The following SLC26A7 variants were observed in gnomAD, a reference collection of about 807,000 sequenced individuals.
SLC26A7 encodes solute carrier family 26 member 7.
Under a neutral mutation model 82.5 loss-of-function variants are expected in SLC26A7, and 59 were observed. The ratio of observed to expected loss-of-function variants is 0.72; its 90% CI spans 0.58 to 0.89. The LOEUF is 0.89. SLC26A7 is among the 40% of genes least tolerant of loss of function. SLC26A7 has a pLI of 0.00. For missense variants in SLC26A7, 820 were observed against 793.0 expected, an observed-to-expected ratio of 1.03 and a Z score of -0.41; for synonymous variants, 271 against 274.3, an observed-to-expected ratio of 0.99 and a Z score of 0.12.
chr8:91,330,445 C>A (rs1222468228), intron 5 of SLC26A7, among the ~76,000 whole-genome samples: 1 of 152,024 alleles, frequency 6.6e-6, no homozygotes, highest in African/African-American at 2.4e-5. Context: ...GATCCATTGT[C>A]TATATAATGT....
At chr8:91,284,921 G>A (rs919321211) in intron 2 of SLC26A7, among the ~76,000 whole-genome samples, 1 of 152,192 alleles carries the variant, frequency 6.6e-6, no homozygotes, top group Non-Finnish European at 1.5e-5. Context: ...AGCATCAAGT[G>A]ACCTCTTACT....
chr8:91,315,645 T>G (rs530852069), intron 4 of SLC26A7, among the ~76,000 whole-genome samples: 1 of 152,348 alleles, frequency 6.6e-6, no homozygotes, highest in East Asian at 1.9e-4. Flanking sequence ...CATATTCTTT[T>G]CTTTATTATG....
chr8:91,310,038 A>T (rs1047846751), intron 4 of SLC26A7, among the ~76,000 whole-genome samples: 8 of 151,808 alleles, frequency 5.3e-5, no homozygotes, highest in African/African-American at 1.9e-4. Context: ...GAAGCTGCTG[A>T]TCACCAGTGT....
chr8:91,225,848 T>C (rs1174624222), intron 2 of SLC26A7, among the ~76,000 whole-genome samples: 1 of 151,964 alleles, frequency 6.6e-6, no homozygotes, highest in East Asian at 1.9e-4. Flanking sequence ...TGGTTTCTGT[T>C]CCTCCATGTC....
chr8:91,213,961 C>A (rs975287849), intron 1 of SLC26A7, among the ~76,000 whole-genome samples: 9 of 151,992 alleles, frequency 5.9e-5, no homozygotes, highest in African/African-American at 2.2e-4. Context: ...TGAACTTGAT[C>A]TTGTTTGGAA....
In SLC26A7 at chr8:91,368,922, T is replaced by G. The variant is rs562980776; in HGVS notation, c.1627-863T>G. 3.9e-5 allele frequency among the ~76,000 whole-genome samples: 6 copies of G among 152,298 alleles called. 1 individual carries two copies. The highest frequency in any genetic ancestry group is 1.4e-4 in the African/African-American group (6 of 41,576). On this transcript the variant is annotated intron_variant, in intron 14 of 18. Coordinates refer to ENST00000276609, the MANE Select transcript of SLC26A7 (RefSeq NM_052832.4). Reference sequence around the variant, plus strand: ...ATGGAAATTGTATAGCTGATAACTGTAAGTCAGGCTTAAAATACATACGCT... The same window carrying G: ...ATGGAAATTGTATAGCTGATAACTGGAAGTCAGGCTTAAAATACATACGCT...
intron 6 of SLC26A7, among the ~76,000 whole-genome samples, chr8:91,335,132 A>G (rs1813205337): frequency 6.6e-6 from 1 of 152,168 alleles, no homozygotes; most frequent in African/African-American, 2.4e-5. Context: ...TTTACTAAAA[A>G]TTGGCTTTAG....
chr8:91,315,700 A>G (rs1037076555), intron 4 of SLC26A7, among the ~76,000 whole-genome samples: 1 of 152,162 alleles, frequency 6.6e-6, no homozygotes, highest in Non-Finnish European at 1.5e-5. Flanking sequence ...ATTTAAATAC[A>G]TTTCCTTCTT....
intron 9 of SLC26A7, chr8:91,344,065 C>T (rs1193108192): frequency 1.0e-6 from 1 of 984,782 alleles, no homozygotes; most frequent in Non-Finnish European, 1.2e-6. Context: ...GAAGATGTTG[C>T]TATTGATGAT....
At chr8:91,261,126 T>G (rs1810952619) in intron 2 of SLC26A7, among the ~76,000 whole-genome samples, 2 of 152,208 alleles carry the variant, frequency 1.3e-5, no homozygotes, top group South Asian at 4.1e-4. Context: ...TTATGTGTAA[T>G]TCTTGGAAGT....
chr8:91,298,140 T>TA (rs1300791808), intron 4 of SLC26A7, among the ~76,000 whole-genome samples: 7 of 152,260 alleles, frequency 4.6e-5, no homozygotes, highest in African/African-American at 1.7e-4. Context: ...ACTAATCAGC[T>TA]TTCTGTTATT....
At chr8:91,269,527 T>C (rs1274097129) in intron 2 of SLC26A7, among the ~76,000 whole-genome samples, 1 of 152,156 alleles carries the variant, frequency 6.6e-6, no homozygotes, top group African/African-American at 2.4e-5. Flanking sequence ...ATGTGATATA[T>C]TTCTTTTGCT....
At chr8:91,326,164 T>C (rs571202388) in intron 5 of SLC26A7, among the ~76,000 whole-genome samples, 122 of 152,294 alleles carry the variant, frequency 8.0e-4, no homozygotes, top group African/African-American at 2.9e-3. Flanking sequence ...TTAGAATACT[T>C]CTATCTCAGC....
At chr8:91,320,270 C>A (rs990086858) in intron 5 of SLC26A7, among the ~76,000 whole-genome samples, 2 of 152,050 alleles carry the variant, frequency 1.3e-5, no homozygotes, top group Non-Finnish European at 2.9e-5. Flanking sequence ...ACCATATTGG[C>A]CAGGTGGAGG....
At chr8:91,235,034 C>T (rs1810373840) in intron 2 of SLC26A7, among the ~76,000 whole-genome samples, 2 of 152,116 alleles carry the variant, frequency 1.3e-5, no homozygotes, top group Admixed American at 6.5e-5. Flanking sequence ...ATCCTCCCAC[C>T]TCAGCCTCCT....
At chr8:91,227,480 G>A (rs1477001154) in intron 2 of SLC26A7, among the ~76,000 whole-genome samples, 1 of 152,136 alleles carries the variant, frequency 6.6e-6, no homozygotes, top group African/African-American at 2.4e-5. Context: ...GTTATTAAGA[G>A]TAATTCAAAT....
At chr8:91,369,159 TA>T (rs1438809178) in intron 14 of SLC26A7, among the ~76,000 whole-genome samples, 1 of 152,208 alleles carries the variant, frequency 6.6e-6, no homozygotes, top group African/African-American at 2.4e-5. Flanking sequence ...CTCTTTCATA[TA>T]AAAAATAAAA....
chr8:91,344,965 C>G (rs1235624750), intron 9 of SLC26A7, among the ~76,000 whole-genome samples: 1 of 147,712 alleles, frequency 6.8e-6, no homozygotes, highest in East Asian at 2.0e-4. Flanking sequence ...TTTTTTTTGG[C>G]AGAGTCTTGC....
intron 9 of SLC26A7, among the ~76,000 whole-genome samples, chr8:91,344,936 T>TTTTTTTTC (rs1258570830): frequency 6.6e-6 from 1 of 152,048 alleles, no homozygotes; most frequent in Non-Finnish European, 1.5e-5. Context: ...TATAGCAGTT[T>TTTTTTTTC]TTTTTTTCTT....
Sources: allele counts gnomAD v4.1 joint callset (sites outside exome capture counted in the v4.1 genomes callset), GRCh38; gene constraint gnomAD v4.1.1; transcripts MANE v1.5; gene names NCBI Gene and HGNC (gene_info 2026-07-23, HGNC 2026-07-21).